NAV3: variants seen among roughly 807,000 people sequenced by gnomAD.
NAV3 encodes pore membrane and/or filament interacting like protein 1.
NAV3 carries 87 observed loss-of-function variants against 244.7 expected under a neutral mutation model. That is an observed-to-expected ratio of 0.36 (90% CI 0.30 to 0.42). NAV3 has a LOEUF of 0.42. NAV3 is among the 20% of genes least tolerant of loss of function. The pLI, the probability that NAV3 is intolerant of heterozygous loss-of-function variation, is 1.00. For missense variants in NAV3, 2,663 were observed against 2,893.3 expected (o/e 0.92, Z 1.83); for synonymous variants, 1,126 against 1,042.2 (o/e 1.08, Z -1.55).
At chr12:77,991,064 C>T (rs900981196) in intron 5 of NAV3, among the ~76,000 whole-genome samples, 5 of 152,166 alleles carry the variant, frequency 3.3e-5, no homozygotes, top group African/African-American at 1.2e-4. Context: ...CTCACTCTGT[C>T]GCCCAGGCTG....
intron 12 of NAV3, among the ~76,000 whole-genome samples, chr12:78,076,716 G>A (rs981888897): frequency 2.0e-5 from 3 of 152,094 alleles, no homozygotes; most frequent in African/African-American, 7.2e-5. Flanking sequence ...TGAAAAGCAT[G>A]TAGCTAGGGT....
chr12:77,745,772 G>C (rs192321549), intron 2 of NAV3, among the ~76,000 whole-genome samples: 4 of 152,056 alleles, frequency 2.6e-5, no homozygotes, highest in Non-Finnish European at 5.9e-5. Flanking sequence ...TGTGTATTCT[G>C]AATCAATCAG....
At chr12:77,834,170 C>T (rs1484723781) in intron 1 of NAV3, among the ~76,000 whole-genome samples, 6 of 152,172 alleles carry the variant, frequency 3.9e-5, no homozygotes, top group Admixed American at 3.9e-4. Context: ...CCTGTCCTCA[C>T]TAGGTCCATG....
At chr12:78,134,288 A>C (rs535965027) in intron 18 of NAV3, among the ~76,000 whole-genome samples, 1 of 152,278 alleles carries the variant, frequency 6.6e-6, no homozygotes, top group East Asian at 1.9e-4. Context: ...AAGAGACCAC[A>C]TCTGGTTCAA....
intron 10 of NAV3, 106 bp from the exon 11 acceptor site, chr12:78,050,658 G>T: frequency 8.4e-7 from 1 of 1,196,136 alleles, no homozygotes; most frequent in South Asian, 1.5e-5. Flanking sequence ...AAGATGACGT[G>T]TTTATAAGAG....
chr12:78,146,711 T>A (rs1261258673), intron 21 of NAV3, among the ~76,000 whole-genome samples: 1 of 152,074 alleles, frequency 6.6e-6, no homozygotes, highest in African/African-American at 2.4e-5. Flanking sequence ...ATTACAGTCT[T>A]TTTCCCACTC....
intron 2 of NAV3, among the ~76,000 whole-genome samples, chr12:77,766,578 G>A (rs1164998605): frequency 2.6e-5 from 4 of 152,042 alleles, no homozygotes; most frequent in Non-Finnish European, 5.9e-5. Flanking sequence ...GATTTGTATT[G>A]AAGAAAAATA....
chr12:77,843,647 A>T (rs1369312548), intron 1 of NAV3, among the ~76,000 whole-genome samples: 2 of 152,052 alleles, frequency 1.3e-5, no homozygotes, highest in Non-Finnish European at 2.9e-5. Flanking sequence ...AGAAATGATT[A>T]TAATGCAGAT....
intron 2 of NAV3, among the ~76,000 whole-genome samples, chr12:77,710,609 C>T (rs1188174592): frequency 6.6e-6 from 1 of 152,064 alleles, no homozygotes; most frequent in Non-Finnish European, 1.5e-5. Flanking sequence ...TAATATATGG[C>T]ATAATCATTA....
intron 2 of NAV3, among the ~76,000 whole-genome samples, chr12:77,590,408 C>A (rs564534713): frequency 6.6e-6 from 1 of 152,300 alleles, no homozygotes; most frequent in African/African-American, 2.4e-5. Flanking sequence ...CAAACTAACA[C>A]AGGAACATAA....
At chr12:78,096,120 GCA>G (rs1485743181) in intron 12 of NAV3, among the ~76,000 whole-genome samples, 2 of 152,038 alleles carry the variant, frequency 1.3e-5, no homozygotes. Flanking sequence ...TCACTATTTG[GCA>G]AATAAAAGGG....
At chr12:78,033,310 C>T (rs938010611) in intron 9 of NAV3, among the ~76,000 whole-genome samples, 1 of 151,658 alleles carries the variant, frequency 6.6e-6, no homozygotes, top group African/African-American at 2.4e-5. Context: ...AGGTCTTTTA[C>T]TTAAATAGCC....
intron 12 of NAV3, among the ~76,000 whole-genome samples, chr12:78,090,954 CTGTGTGTG>C (rs10581059): frequency 0.011 from 1,617 of 142,602 alleles, 20 homozygotes; most frequent in African/African-American, 0.025. Flanking sequence ...GTGCTGTATT[CTGTGTGTG>C]TGTGTGTGTG....
chr12:78,167,261 T>C (rs1242570060), intron 23 of NAV3, among the ~76,000 whole-genome samples: 4 of 151,810 alleles, frequency 2.6e-5, no homozygotes, highest in African/African-American at 9.7e-5. Flanking sequence ...ATTCTTCTTT[T>C]ATAATAAATA....
chr12:77,721,961 A>T (rs1331619324), intron 2 of NAV3, among the ~76,000 whole-genome samples: 1 of 152,120 alleles, frequency 6.6e-6, no homozygotes, highest in South Asian at 2.1e-4. Context: ...TTTTTGTCAG[A>T]AGGAAATTCA....
At chr12:78,014,607 T>C (rs1163215620) in intron 8 of NAV3, among the ~76,000 whole-genome samples, 3 of 152,112 alleles carry the variant, frequency 2.0e-5, no homozygotes, top group Non-Finnish European at 4.4e-5. Context: ...TTGCCTAGGA[T>C]GTGACAGGGA....
chr12:78,021,446 C>A (rs1435356226), intron 8 of NAV3, among the ~76,000 whole-genome samples: 1 of 151,992 alleles, frequency 6.6e-6, no homozygotes, highest in African/African-American at 2.4e-5. Context: ...TCTAAAATAG[C>A]AAAAGAAGTT....
chr12:78,100,145 G>T (rs1270237995), intron 12 of NAV3, among the ~76,000 whole-genome samples: 2 of 151,860 alleles, frequency 1.3e-5, no homozygotes, highest in African/African-American at 4.8e-5. Context: ...AGCATTAAGT[G>T]CATACTAAAA....
At position 77,703,992 on chromosome 12, in the gene NAV3, T is replaced by C. The variant is rs192551171; in HGVS notation, c.72+131726T>C. Reference sequence around the variant, plus strand: ...TTCTCAATATAACATTGTTCTCACTTGTAACGCTAGCGCAAAGAAATGGAT... The same window carrying C: ...TTCTCAATATAACATTGTTCTCACTCGTAACGCTAGCGCAAAGAAATGGAT... On this transcript the variant is annotated intron_variant, in intron 2 of 8. Coordinates refer to the NAV3 transcript ENST00000550042. Among the ~76,000 whole-genome samples, 6 of 152,304 alleles carry C rather than the reference T, an allele frequency of 3.9e-5. No individual in the cohort carries two copies. The East Asian group carries it at 1.2e-3, about 29-fold the overall frequency.
Sources: allele counts gnomAD v4.1 joint callset (sites outside exome capture counted in the v4.1 genomes callset), GRCh38; gene constraint gnomAD v4.1.1; transcripts MANE v1.5; gene names NCBI Gene and HGNC (gene_info 2026-07-23, HGNC 2026-07-21).